DDX60: variants seen among roughly 807,000 people sequenced by gnomAD.
The protein encoded by DDX60 is DExD/H-box helicase 60.
A neutral mutation model predicts 212.8 loss-of-function variants in DDX60; 165 were observed. The observed-to-expected ratio is 0.78, with a 90% CI of 0.68 to 0.88. The LOEUF is 0.88. Ranked by LOEUF, DDX60 falls within the 40% of genes least tolerant of loss-of-function variation. The pLI, the probability that DDX60 is intolerant of heterozygous loss-of-function variation, is 0.00. For synonymous variants in DDX60, 703 were observed against 685.3 expected (o/e 1.03, Z -0.40); for missense variants, 1,905 against 2,003.9 (o/e 0.95, Z 0.94).
At position 168,280,608 on chromosome 4, in the gene DDX60, A is replaced by T; in HGVS notation, c.1723-18T>A. 6.3e-7 allele frequency: 1 copy of T among 1,592,738 alleles called. No homozygotes were observed. The highest frequency in any genetic ancestry group is 8.5e-7 in the Non-Finnish European group (1 of 1,172,834). On this transcript the variant is annotated intron_variant, in intron 13 of 37. Coordinates refer to ENST00000393743, the MANE Select transcript of DDX60 (RefSeq NM_017631.6). The stretch of plus-strand genomic sequence containing the variant: ...TTGGTCTCCTGCCCCAAAGGAAAAA[A>T]CATCTCTTAAGACAAGTTGAAAATA...
chr4:168,319,980 T>A (rs188612015), upstream of DDX60, among the ~76,000 whole-genome samples: 17 of 152,350 alleles, frequency 1.1e-4, no homozygotes, highest in Non-Finnish European at 2.2e-4. Context: ...TTTATTCATT[T>A]GTTTAGAAAT....
At chr4:168,241,998 C>T (rs373360299) in intron 30 of DDX60, among the ~76,000 whole-genome samples, 1 of 152,156 alleles carries the variant, frequency 6.6e-6, no homozygotes, top group Non-Finnish European at 1.5e-5. Flanking sequence ...CCAGCTGCTC[C>T]CGCTATGACT....
In DDX60 at chr4:168,302,534, A is replaced by C. The variant is rs1736690390; in HGVS notation, c.607-118T>G. 6.5e-6 allele frequency: 3 copies of C among 461,374 alleles called. 1 individual carries two copies. The South Asian group carries it at 2.3e-4, about 36-fold the overall frequency. The allele number at this position is 461,374 out of a possible 1,614,324, so 28.6% of individuals were successfully genotyped here. On this transcript the variant is annotated intron_variant, in intron 5 of 37. Coordinates refer to ENST00000393743, the MANE Select transcript of DDX60 (RefSeq NM_017631.6). ...TGTTACGATATATTTCTAAGGAAAA[A>C]AATATGCCAATGTAATTGTAAGTTT...
At chr4:168,320,573 T>G (rs1040766615), upstream of DDX60, among the ~76,000 whole-genome samples, 4 of 152,174 alleles carry the variant, frequency 2.6e-5, no homozygotes, top group Non-Finnish European at 4.4e-5. Context: ...CAAACTTGTG[T>G]GGTATTAAGC....
chr4:168,255,614 G>A lies in DDX60; in HGVS notation c.3557+97C>T. 1.8e-6 allele frequency: 2 copies of A among 1,098,398 alleles called. 1 individual carries two copies. Among genetic ancestry groups the A allele is most frequent in the Non-Finnish European group, 2.5e-6 (2 of 793,974 alleles). 68.0% of individuals were successfully genotyped at this position (1,098,398 alleles called of 1,614,324 possible). On this transcript the variant is annotated intron_variant, in intron 26 of 37. Transcript: ENST00000393743. ...TAGAAATAAGTCCAAGCGACAACTA[G>A]AACTTATTTATAGAACATATTCAAT...
Position 168,280,507 on chromosome 4 carries a change from A to T in DDX60, c.1806T>A (p.Asn602Lys). 1.2e-6 allele frequency: 2 copies of T among 1,614,148 alleles called. No individual in the cohort carries two copies. Residue 602 changes from asparagine (N) to lysine (K), a missense_variant, in exon 14 of 38, where the codon AAT (asparagine) becomes AAA (lysine). Coordinates refer to ENST00000393743, the MANE Select transcript of DDX60 (RefSeq NM_017631.6). ...GCTCTTCAATAGAAAATGACAAAGC[A>T]TTCCACTTTTGCTCTTCCTTTTGTT... ...REEQKEEQKW[N>K]ALSFSIEEQL... is the part of the protein sequence containing the mutation.
chr4:168,267,273 G>T (rs139097748), intron 22 of DDX60, among the ~76,000 whole-genome samples: 3 of 152,292 alleles, frequency 2.0e-5, no homozygotes, highest in African/African-American at 7.2e-5. Flanking sequence ...GGGGTAGACA[G>T]ACAGACATGG....
chr4:168,306,101 C>T (rs1395117157), intron 5 of DDX60, among the ~76,000 whole-genome samples: 1 of 152,096 alleles, frequency 6.6e-6, no homozygotes, highest in African/African-American at 2.4e-5. Flanking sequence ...TATTTCATCA[C>T]TGTAAAATAC....
chr4:168,266,173 G>A (rs1734840207), intron 22 of DDX60, among the ~76,000 whole-genome samples: 1 of 152,178 alleles, frequency 6.6e-6, no homozygotes, highest in Non-Finnish European at 1.5e-5. Context: ...AGTTAGTTAA[G>A]TTCTCTATGC....
intron 25 of DDX60, among the ~76,000 whole-genome samples, chr4:168,260,105 C>T (rs988360923): frequency 3.4e-5 from 5 of 145,534 alleles, no homozygotes; most frequent in East Asian, 2.6e-4. Context: ...TTTTCTATGT[C>T]GTCTTTAATT....
At chr4:168,277,546 G>A (rs1338411029) in intron 14 of DDX60, among the ~76,000 whole-genome samples, 1 of 152,058 alleles carries the variant, frequency 6.6e-6, no homozygotes, top group African/African-American at 2.4e-5. Context: ...ACTATTAAAT[G>A]AAAATTCCAG....
intron 26 of DDX60, among the ~76,000 whole-genome samples, 199 bp downstream of exon 26, chr4:168,255,512 T>C (rs766849129): frequency 1.1e-4 from 17 of 152,170 alleles, no homozygotes; most frequent in Non-Finnish European, 1.8e-4. Flanking sequence ...ATGAGGCTGA[T>C]TGATGCAATT....
chr4:168,248,618 A>C (rs539820067), intron 28 of DDX60, among the ~76,000 whole-genome samples: 1 of 152,250 alleles, frequency 6.6e-6, no homozygotes, highest in East Asian at 1.9e-4. Context: ...TCTCTGTCTC[A>C]CATGATTTAT....
At chr4:168,315,187 T>G (rs1194518397) in intron 1 of DDX60, among the ~76,000 whole-genome samples, 1 of 152,200 alleles carries the variant, frequency 6.6e-6, no homozygotes, top group Non-Finnish European at 1.5e-5. Flanking sequence ...TCAAGCTACT[T>G]AAATGTATGA....
rs993814765 is a variant in DDX60 at position 168,237,854 on chromosome 4, A to G, written c.4165-59T>C. 2.8e-5 allele frequency: 32 copies of G among 1,156,578 alleles called. No individual in the cohort carries two copies. The African/African-American group carries it at 3.4e-4, about 12-fold the overall frequency. 71.6% of individuals were successfully genotyped at this position (1,156,578 alleles called of 1,614,324 possible). On this transcript the variant is annotated intron_variant, in intron 30 of 37. Coordinates refer to ENST00000393743, the MANE Select transcript of DDX60 (RefSeq NM_017631.6). Reference sequence around the variant, plus strand: ...GTTAAGTGTTACGAAATACGTTTGAAAATGATAATAAATGATAGATCAATA... The same window carrying G: ...GTTAAGTGTTACGAAATACGTTTGAGAATGATAATAAATGATAGATCAATA...
Position 168,267,603 on chromosome 4 carries a change from A to G in DDX60, c.3018T>C (p.Cys1006=), listed in dbSNP as rs746067332. The G allele has an allele frequency of 6.3e-7, 1 of 1,596,294 alleles. No individual in the cohort carries two copies. Among genetic ancestry groups the G allele is most frequent in the South Asian group, 1.1e-5 (1 of 86,994 alleles). ...CTACATGATCTGTTGTTAGTGCAGC[A>G]CATGGGTGAAAATGATCAAAATGAA... is the stretch of plus-strand genomic sequence containing the variant. ...GDIHFDHFHP[C]AALTTDHIER... Residue 1006 remains cysteine (C), a synonymous_variant, in exon 22 of 38, where the codon TGT becomes TGC. Coordinates refer to ENST00000393743, the MANE Select transcript of DDX60 (RefSeq NM_017631.6).
intron 25 of DDX60, among the ~76,000 whole-genome samples, chr4:168,257,509 C>T (rs2149509325): frequency 6.6e-6 from 1 of 152,228 alleles, no homozygotes; most frequent in East Asian, 1.9e-4. Context: ...CCTGCAGGCC[C>T]CTGTTCTCAA....
At chr4:168,300,923 A>C (rs1180954723) in intron 6 of DDX60, among the ~76,000 whole-genome samples, 1 of 152,100 alleles carries the variant, frequency 6.6e-6, no homozygotes, top group Non-Finnish European at 1.5e-5. Context: ...ATACGGAGGG[A>C]AATAATAGTC....
intron 32 of DDX60, 46 bp downstream of exon 32, chr4:168,237,240 T>A (rs1264894442): frequency 7.7e-7 from 1 of 1,296,144 alleles, no homozygotes; most frequent in South Asian, 2.6e-5. Flanking sequence ...TCTGTTGCTA[T>A]TTTTGGACTC....
Sources: allele counts gnomAD v4.1 joint callset (sites outside exome capture counted in the v4.1 genomes callset), GRCh38; gene constraint gnomAD v4.1.1; transcripts MANE v1.5; gene names NCBI Gene and HGNC (gene_info 2026-07-23, HGNC 2026-07-21).